Variants in DPP3 observed in about 807,000 individuals in gnomAD.
The protein encoded by DPP3 is dipeptidyl peptidase 3.
Under a neutral mutation model 89.8 loss-of-function variants are expected in DPP3, and 64 were observed. That is an observed-to-expected ratio of 0.71 (90% confidence interval 0.58 to 0.88). DPP3 has a LOEUF of 0.88. DPP3 is among the 40% of genes least tolerant of loss of function. The probability of loss-of-function intolerance (pLI) is 0.00; values close to 1 mark genes in which losing one functional copy is unlikely to be tolerated. For synonymous variants in DPP3, 377 were observed against 404.3 expected (o/e 0.93, Z 0.81); for missense variants, 835 against 972.5 (o/e 0.86, Z 1.88).
chr11:66,484,066 C>G (rs1248042938), intron 2 of DPP3, among the ~76,000 whole-genome samples: 1 of 151,964 alleles, frequency 6.6e-6, no homozygotes, highest in African/African-American at 2.4e-5. Context: ...CAACCTCCAA[C>G]TCCCTGGTTC....
chr11:66,508,139 T>C (rs1855849555), intron 17 of DPP3, among the ~76,000 whole-genome samples: 1 of 152,194 alleles, frequency 6.6e-6, no homozygotes, highest in South Asian at 2.1e-4. Flanking sequence ...CTCCAGAGCT[T>C]GTGCTCTTTG....
Position 66,498,255 on chromosome 11 carries a change from G to A in DPP3, c.1878+778G>A, listed in dbSNP as rs748950731. Among the ~76,000 whole-genome samples, 7 of 152,228 alleles carry A rather than the reference G, an allele frequency of 4.6e-5. No homozygotes were observed. In the East Asian group the frequency reaches 5.8e-4, roughly 13 times the overall value. On this transcript the variant is annotated intron_variant, in intron 16 of 17. Coordinates refer to ENST00000531863, the MANE Select transcript of DPP3 (RefSeq NM_130443.4). ...ACTACAGGTGCCCGCCACCATGCCC[G>A]GCTAATTTTTTGTATTTTTAGTGGA...
chr11:66,497,191 ACTGGGACCAAGGACCAAGC>A (rs537187303), intron 15 of DPP3, 88 bp from the exon 16 acceptor site: 145 of 1,415,288 alleles, frequency 1.0e-4, no homozygotes, highest in African/African-American at 2.0e-4. Context: ...TTAATGGGCA[ACTGGGACCAAGGACCAAGC>A]CTGGGACCAA....
intron 15 of DPP3, among the ~76,000 whole-genome samples, chr11:66,496,597 G>T (rs969429998): frequency 6.6e-6 from 1 of 152,068 alleles, no homozygotes; most frequent in African/African-American, 2.4e-5. Context: ...TGTATTTTTA[G>T]TAGAGATGGG....
At chr11:66,490,464 C>A (rs11828370) in intron 6 of DPP3, among the ~76,000 whole-genome samples, 3,007 of 152,202 alleles carry the variant, frequency 0.02, 87 homozygotes, top group African/African-American at 0.068. Context: ...GCTGTCCAGC[C>A]CCCCAACTTC....
chr11:66,480,522 G>T (rs934725411), intron 1 of DPP3, 57 bp downstream of exon 1: 2 of 1,466,518 alleles, frequency 1.4e-6, no homozygotes, highest in Admixed American at 2.7e-5. Context: ...GGGGACCAAG[G>T]CGAATCCATA....
chr11:66,485,182 G>C lies in DPP3; in HGVS notation c.280G>C (p.Val94Leu), dbSNP rs200221391. 7.2e-5 allele frequency: 117 copies of C among 1,614,154 alleles called. No individual in the cohort carries two copies. The East Asian group carries it at 2.0e-3, about 28-fold the overall frequency. The change falls in exon 3 of 18, where the codon GTC (valine) becomes CTC (leucine). Residue 94 changes from valine (V) to leucine (L), a missense_variant. Val to Leu is a conservative substitution (Grantham distance 32). Coordinates refer to ENST00000531863, the MANE Select transcript of DPP3 (RefSeq NM_130443.4). Reference sequence around the variant, plus strand: ...CCTGCCTCCCCCTCAGGCGTTCCTGGTCTATGCCGCGGGTGTTTACTCCAA... The same window carrying C: ...CCTGCCTCCCCCTCAGGCGTTCCTGCTCTATGCCGCGGGTGTTTACTCCAA... ...LTEEEYQAFL[V>L]YAAGVYSNMG...
At chr11:66,482,936 A>G (rs1855126059) in intron 2 of DPP3, 1 of 168,174 alleles carries the variant, frequency 5.9e-6, no homozygotes, top group African/African-American at 2.4e-5. Context: ...GAAAGACACA[A>G]AAGAAAACAC....
In DPP3 at chr11:66,492,703, C is replaced by T; in HGVS notation, c.989-13C>T. 6.4e-7 allele frequency: 1 copy of T among 1,558,206 alleles called. No homozygotes were observed. Among genetic ancestry groups the T allele is most frequent in the Non-Finnish European group, 8.7e-7 (1 of 1,154,002 alleles). On this transcript the variant is annotated splice_polypyrimidine_tract_variant and intron_variant, in intron 9 of 17. Coordinates refer to ENST00000531863, the MANE Select transcript of DPP3 (RefSeq NM_130443.4). Reference sequence around the variant, plus strand: ...GAACCCTGCCAAGCCACAACCCCCTCCCTCCTCTGCAGGTTTCGTAGCTGT... The same window carrying T: ...GAACCCTGCCAAGCCACAACCCCCTTCCTCCTCTGCAGGTTTCGTAGCTGT...
chr11:66,493,959 G>A (rs1855464390), intron 12 of DPP3, among the ~76,000 whole-genome samples: 1 of 152,138 alleles, frequency 6.6e-6, no homozygotes. Flanking sequence ...GTTTGGCTCA[G>A]GCTAAGGAAG....
rs763848515 is a variant in DPP3, at chr11:66,493,148, A to G, written c.1265A>G (p.Glu422Gly). Reference sequence around the variant, plus strand: ...GCTGTGGCCTACGCCACGCAGCGGGAGAAGCTTACCTTTCTGGAGGAGGAT... The same window carrying G: ...GCTGTGGCCTACGCCACGCAGCGGGGGAAGCTTACCTTTCTGGAGGAGGAT... ...VLAVAYATQR[E>G]KLTFLEEDDK... Residue 422 changes from glutamate to glycine, a missense_variant, in exon 11 of 18, where the codon GAG becomes GGG. Coordinates refer to ENST00000531863, the MANE Select transcript of DPP3 (RefSeq NM_130443.4). The G allele has an allele frequency of 1.2e-6, 2 of 1,614,016 alleles. No individual in the cohort carries two copies. The highest frequency in any genetic ancestry group is 1.7e-6 in the Non-Finnish European group (2 of 1,180,020).
chr11:66,487,145 A>T, intron 4 of DPP3, 123 bp from the exon 5 acceptor site: 1 of 863,920 alleles, frequency 1.2e-6, no homozygotes, highest in Non-Finnish European at 1.9e-6. Flanking sequence ...CTGGAGGTAG[A>T]TGGAGGGGTA....
chr11:66,506,207 C>T (rs1243604710), intron 17 of DPP3, among the ~76,000 whole-genome samples: 3 of 152,040 alleles, frequency 2.0e-5, no homozygotes, highest in Non-Finnish European at 2.9e-5. Context: ...CCACCTCAGC[C>T]TCCCAAAGTG....
intron 14 of DPP3, 70 bp downstream of exon 14, chr11:66,495,559 G>C (rs1443169480): frequency 6.2e-7 from 1 of 1,612,756 alleles, no homozygotes; most frequent in Non-Finnish European, 8.5e-7. Context: ...TGGAGGGTGG[G>C]TGGTAGTGGC....
At chr11:66,501,335 G>A (rs1855671365) in intron 16 of DPP3, among the ~76,000 whole-genome samples, 1 of 151,822 alleles carries the variant, frequency 6.6e-6, no homozygotes, top group African/African-American at 2.4e-5. Flanking sequence ...ACTCCAGCCT[G>A]GGCAACAAGA....
chr11:66,504,966 C>T (rs1026777627), intron 17 of DPP3, among the ~76,000 whole-genome samples, 192 bp downstream of exon 17: 6 of 152,068 alleles, frequency 3.9e-5, no homozygotes, highest in Non-Finnish European at 7.4e-5. Context: ...CCACCCACCA[C>T]CCCCCCGACA....
At chr11:66,500,565 C>T (rs1213221410) in intron 16 of DPP3, among the ~76,000 whole-genome samples, 1 of 152,174 alleles carries the variant, frequency 6.6e-6, no homozygotes, top group Non-Finnish European at 1.5e-5. Context: ...TAACAACTGC[C>T]AGCATCCACT....
chr11:66,486,853 T>C (rs566119846), intron 4 of DPP3, among the ~76,000 whole-genome samples, 176 bp downstream of exon 4: 1 of 152,268 alleles, frequency 6.6e-6, no homozygotes, highest in African/African-American at 2.4e-5. Context: ...GTAAGCATGT[T>C]GGGTCGAATG....
At position 66,493,174 on chromosome 11, in the gene DPP3, G is replaced by T; in HGVS notation, c.1291G>T (p.Asp431Tyr). The T allele has an allele frequency of 6.2e-7, 1 of 1,613,588 alleles. No individual in the cohort carries two copies. The highest frequency in any genetic ancestry group is 1.1e-5 in the South Asian group (1 of 90,980). The change falls in exon 11 of 18, where the codon GAC becomes TAC. Residue 431 changes from aspartate to tyrosine, a missense_variant. By Grantham distance (160) the Asp-to-Tyr change is radical. Coordinates refer to ENST00000531863, the MANE Select transcript of DPP3 (RefSeq NM_130443.4). ...GAAGCTTACCTTTCTGGAGGAGGAT[G>T]ACAAGGTGGGCGCCAGCAGTCGGAG... ...REKLTFLEED[D>Y]KDLYILWKGP...
Sources: allele counts gnomAD v4.1 joint callset (sites outside exome capture counted in the v4.1 genomes callset), GRCh38; gene constraint gnomAD v4.1.1; transcripts MANE v1.5; gene names NCBI Gene and HGNC (gene_info 2026-07-23, HGNC 2026-07-21).